Variants in KIRREL3 observed in about 807,000 individuals in gnomAD.
KIRREL3 encodes kirre like nephrin family adhesion molecule 3.
KIRREL3 carries 36 observed loss-of-function variants against 89.7 expected under a neutral mutation model. The observed-to-expected ratio is 0.40, with a 90% CI of 0.31 to 0.53. The LOEUF (loss-of-function observed/expected upper bound fraction) is 0.53. KIRREL3 is among the 20% of genes least tolerant of loss of function. KIRREL3 has a pLI of 0.49. For synonymous variants in KIRREL3, 445 were observed against 441.4 expected (o/e 1.01, Z -0.10); for missense variants, 864 against 1,056.6 (o/e 0.82, Z 2.53).
chr11:126,837,028 AT>A lies in KIRREL3; in HGVS notation c.55+163426del, dbSNP rs1307706367. Among the ~76,000 whole-genome samples, 4 of 149,874 alleles carry A rather than the reference AT, an allele frequency of 2.7e-5. No individual in the cohort carries two copies. Among genetic ancestry groups the A allele is most frequent in the Non-Finnish European group, 4.4e-5 (3 of 67,488 alleles). The stretch of plus-strand genomic sequence containing the variant: ...GACCCATAGAAGATATTTGTTAAGT[AT>A]TTTTTTGGGGGGCGGGGGGTTGAAT... On this transcript the variant is annotated intron_variant, in intron 1 of 16. Coordinates refer to ENST00000525144, the MANE Select transcript of KIRREL3 (RefSeq NM_032531.4). This position sits in a 1 kb window ranked among gnomAD's most constrained non-coding sequence, Gnocchi z 4.7.
chr11:126,426,494 G>C (rs1241191685), intron 15 of KIRREL3, among the ~76,000 whole-genome samples: 1 of 152,172 alleles, frequency 6.6e-6, no homozygotes, highest in African/African-American at 2.4e-5. Context: ...ATACAATAGA[G>C]CTGCTTCAAA....
At chr11:126,758,500 G>T (rs572352850) in intron 1 of KIRREL3, among the ~76,000 whole-genome samples, 2 of 152,312 alleles carry the variant, frequency 1.3e-5, no homozygotes, top group East Asian at 3.9e-4. Context: ...ACCTATGTCA[G>T]CCAGTCATCT....
rs187066082 is a variant in KIRREL3, at chr11:126,707,619, C to T, written c.56-144707G>A. On this transcript the variant is annotated intron_variant, in intron 1 of 16. Transcript: ENST00000525144. ...CTGCATTTCCTCTGAGTCTGCTGTT[C>T]GCTGTTGGAGCCAGGGGCTAAAGTA... Among the ~76,000 whole-genome samples, 12 of 152,276 alleles carry T rather than the reference C, an allele frequency of 7.9e-5. No individual in the cohort carries two copies. In the East Asian group the frequency reaches 2.3e-3, roughly 29 times the overall value.
intron 1 of KIRREL3, among the ~76,000 whole-genome samples, chr11:126,930,715 A>G (rs529620401): frequency 3.3e-5 from 5 of 152,172 alleles, no homozygotes; most frequent in South Asian, 4.2e-4. Context: ...ACTGCATTCT[A>G]TCTGCTCCCC....
rs1249404582 is a variant in KIRREL3, at chr11:126,557,317, G to A, written c.133+5518C>T. 6.6e-6 allele frequency among the ~76,000 whole-genome samples: 1 copy of A among 152,246 alleles called. No homozygotes were observed. Among genetic ancestry groups the A allele is most frequent in the Non-Finnish European group, 1.5e-5 (1 of 68,048 alleles). ...GGATCCACCTTCAGAGGCTGCCAAG[G>A]AAAGCCAGTCTATTGACTTTTTTGT... On this transcript the variant is annotated intron_variant, in intron 2 of 16. Coordinates refer to ENST00000525144, the MANE Select transcript of KIRREL3 (RefSeq NM_032531.4). The surrounding 1 kb of genome is among the most constrained non-coding windows in gnomAD (Gnocchi z 5.6).
At chr11:126,650,046 G>T (rs1944848794) in intron 1 of KIRREL3, among the ~76,000 whole-genome samples, 1 of 152,216 alleles carries the variant, frequency 6.6e-6, no homozygotes, top group Non-Finnish European at 1.5e-5. Flanking sequence ...CTTGGGGCTT[G>T]CACCCCATGA....
At position 126,684,058 on chromosome 11, in the gene KIRREL3, T is replaced by C. The variant is rs911241881; in HGVS notation, c.56-121146A>G. Reference sequence around the variant, plus strand: ...CAGCTTAGCATGGCACTGTCTGATCTGCTGACAGCCGCGACCCTGCCACCT... The same window carrying C: ...CAGCTTAGCATGGCACTGTCTGATCCGCTGACAGCCGCGACCCTGCCACCT... On this transcript the variant is annotated intron_variant, in intron 1 of 16. Coordinates refer to ENST00000525144, the MANE Select transcript of KIRREL3 (RefSeq NM_032531.4). The surrounding 1 kb of genome is among the most constrained non-coding windows in gnomAD (Gnocchi z 4.2). Among the ~76,000 whole-genome samples, 4 of 152,230 alleles carry C rather than the reference T, an allele frequency of 2.6e-5. No individual in the cohort carries two copies. Among genetic ancestry groups the C allele is most frequent in the African/African-American group, 9.6e-5 (4 of 41,468 alleles).
rs1400706509 is a variant in KIRREL3 at position 126,622,125 on chromosome 11, C to T, written c.56-59213G>A. On this transcript the variant is annotated intron_variant, in intron 1 of 16. Coordinates refer to ENST00000525144, the MANE Select transcript of KIRREL3 (RefSeq NM_032531.4). The surrounding 1 kb of genome is among the most constrained non-coding windows in gnomAD (Gnocchi z 5.2). Reference sequence around the variant, plus strand: ...CTCATTTGTGTCATTATTTTGCTATCCTTGCCTCTCTTGGGATTTGTGGCT... The same window carrying T: ...CTCATTTGTGTCATTATTTTGCTATTCTTGCCTCTCTTGGGATTTGTGGCT... Among the ~76,000 whole-genome samples, 1 of 152,124 alleles carries T rather than the reference C, an allele frequency of 6.6e-6. No homozygotes were observed. The highest frequency in any genetic ancestry group is 1.5e-5 in the Non-Finnish European group (1 of 68,016).
Position 126,908,880 on chromosome 11 carries a change from G to T in KIRREL3, c.55+91575C>A, listed in dbSNP as rs1301913420. On this transcript the variant is annotated intron_variant, in intron 1 of 16. Coordinates refer to ENST00000525144, the MANE Select transcript of KIRREL3 (RefSeq NM_032531.4). This position sits in a 1 kb window ranked among gnomAD's most constrained non-coding sequence, Gnocchi z 4.2. ...ACAATCTGCGGACGCTCGAGTCTCTGATATAAAGTAGTGTAGTATTTGCAT... is the reference window on the plus strand; with the variant it reads ...ACAATCTGCGGACGCTCGAGTCTCTTATATAAAGTAGTGTAGTATTTGCAT... Among the ~76,000 whole-genome samples the T allele has an allele frequency of 6.6e-6, 1 of 152,120 alleles. No homozygotes were observed. The highest frequency in any genetic ancestry group is 1.5e-5 in the Non-Finnish European group (1 of 68,024).
In KIRREL3 at chr11:126,605,810, A is replaced by G. The variant is rs1229236454; in HGVS notation, c.56-42898T>C. Among the ~76,000 whole-genome samples, 1 of 152,226 alleles carries G rather than the reference A, an allele frequency of 6.6e-6. No homozygotes were observed. The highest frequency in any genetic ancestry group is 1.9e-4 in the East Asian group (1 of 5,194). ...GAGTGAGGTCTGGAGGGCATGGGAC[A>G]TGGTCCCTCTTGGGAGTTAAGCAGA... is the stretch of plus-strand genomic sequence containing the variant. On this transcript the variant is annotated intron_variant, in intron 1 of 16. Coordinates refer to ENST00000525144, the MANE Select transcript of KIRREL3 (RefSeq NM_032531.4). The surrounding 1 kb of genome is among the most constrained non-coding windows in gnomAD (Gnocchi z 5.7).
rs960871105 is a variant in KIRREL3 at position 126,557,710 on chromosome 11, C to T, written c.133+5125G>A. Among the ~76,000 whole-genome samples the T allele has an allele frequency of 6.6e-6, 1 of 152,242 alleles. No homozygotes were observed. The highest frequency in any genetic ancestry group is 2.4e-5 in the African/African-American group (1 of 41,548). On this transcript the variant is annotated intron_variant, in intron 2 of 16. Transcript: ENST00000525144. This position sits in a 1 kb window ranked among gnomAD's most constrained non-coding sequence, Gnocchi z 5.6. Reference sequence around the variant, plus strand: ...CCATCATAAAGAACTTTAGAGCTGTCGAAGAAATGAGATTCTCAACCTCCC... The same window carrying T: ...CCATCATAAAGAACTTTAGAGCTGTTGAAGAAATGAGATTCTCAACCTCCC...
Position 126,537,570 on chromosome 11 carries a change from G to A in KIRREL3, c.134-10883C>T, listed in dbSNP as rs372586036. 4.3e-4 allele frequency among the ~76,000 whole-genome samples: 66 copies of A among 152,242 alleles called. No individual in the cohort carries two copies. The highest frequency in any genetic ancestry group is 1.5e-3 in the African/African-American group (63 of 41,546). On this transcript the variant is annotated intron_variant, in intron 2 of 16. Transcript: ENST00000525144. This position sits in a 1 kb window ranked among gnomAD's most constrained non-coding sequence, Gnocchi z 4.3. ...TGTCACCTGCCTGGAGTACCTAACCGATGGGTCACCTGTCGGAGCCTGGGT... is the reference window on the plus strand; with the variant it reads ...TGTCACCTGCCTGGAGTACCTAACCAATGGGTCACCTGTCGGAGCCTGGGT...
At chr11:126,884,010 T>C (rs965317034) in intron 1 of KIRREL3, among the ~76,000 whole-genome samples, 2 of 152,130 alleles carry the variant, frequency 1.3e-5, no homozygotes, top group Admixed American at 6.6e-5. Flanking sequence ...CCCGGGGAGA[T>C]TGACAAGTGA....
intron 1 of KIRREL3, among the ~76,000 whole-genome samples, chr11:126,821,075 T>C (rs1171175983): frequency 6.6e-6 from 1 of 152,090 alleles, no homozygotes; most frequent in African/African-American, 2.4e-5. Context: ...TGGAATGATT[T>C]GTGGCTTCAC....
At chr11:126,466,164 T>C (rs1381197701) in intron 5 of KIRREL3, among the ~76,000 whole-genome samples, 1 of 152,206 alleles carries the variant, frequency 6.6e-6, no homozygotes, top group African/African-American at 2.4e-5. Flanking sequence ...CTCGGAATGA[T>C]GATTAATGAC....
At chr11:126,451,359 A>AT (rs1956138676) in intron 7 of KIRREL3, among the ~76,000 whole-genome samples, 5 of 39,208 alleles carry the variant, frequency 1.3e-4, no homozygotes, top group Non-Finnish European at 2.2e-4. Flanking sequence ...TGCGTATGTG[A>AT]GTGTGACTAT....
chr11:126,796,643 T>G lies in KIRREL3; in HGVS notation c.55+203812A>C, dbSNP rs1289792759. 6.6e-6 allele frequency among the ~76,000 whole-genome samples: 1 copy of G among 152,112 alleles called. No individual in the cohort carries two copies. On this transcript the variant is annotated intron_variant, in intron 1 of 16. Transcript: ENST00000525144. This position sits in a 1 kb window ranked among gnomAD's most constrained non-coding sequence, Gnocchi z 5.1. ...TGTTAAGCATTGCCCCCAACCCTGC[T>G]TTTTATTTATTTTTATTCTTTTATT...
At chr11:126,971,861 G>T (rs1201839444) in intron 1 of KIRREL3, among the ~76,000 whole-genome samples, 2 of 152,088 alleles carry the variant, frequency 1.3e-5, no homozygotes, top group Non-Finnish European at 2.9e-5. Flanking sequence ...CTGAGTGCTT[G>T]GTACAGAAAA....
intron 1 of KIRREL3, among the ~76,000 whole-genome samples, chr11:126,760,495 G>C (rs1592086479): frequency 6.6e-6 from 1 of 152,214 alleles, no homozygotes; most frequent in East Asian, 1.9e-4. Flanking sequence ...TATTGCTGGA[G>C]AGATCCAAAG....
Sources: gnomAD v4.1 joint callset for allele counts (sites outside exome capture counted in the v4.1 genomes callset) on GRCh38, gnomAD v4.1.1 for gene constraint, Gnocchi (gnomAD v3.1) non-coding constraint, MANE v1.5 for transcripts, NCBI Gene and HGNC (gene_info 2026-07-23, HGNC 2026-07-21) for gene names.